Variants in CGNL1 observed in about 807,000 individuals in gnomAD.
CGNL1 encodes cingulin like 1.
A neutral mutation model predicts 141.2 loss-of-function variants in CGNL1; 132 were observed. The observed-to-expected ratio is 0.93, with a 90% CI of 0.81 to 1.08. CGNL1 has a LOEUF of 1.08. Among genes scored for constraint, CGNL1 ranks in the 50% least tolerant of loss-of-function variants. The pLI is 0.00. For missense variants in CGNL1, 1,870 were observed against 1,588.6 expected (o/e 1.18, Z -3.01); for synonymous variants, 690 against 622.1 (o/e 1.11, Z -1.63).
intron 14 of CGNL1, among the ~76,000 whole-genome samples, chr15:57,539,237 G>A (rs1049647245): frequency 5.9e-5 from 9 of 151,666 alleles, no homozygotes; most frequent in African/African-American, 1.2e-4. Flanking sequence ...TTCACTTTTC[G>A]GAAAATAATC....
At chr15:57,539,921 C>A (rs72741522) in intron 14 of CGNL1, among the ~76,000 whole-genome samples, 1 of 152,128 alleles carries the variant, frequency 6.6e-6, no homozygotes, top group East Asian at 1.9e-4. Context: ...ACACTGCCTA[C>A]CTCATTGGTG....
intron 1 of CGNL1, among the ~76,000 whole-genome samples, chr15:57,419,037 C>T (rs1340644637): frequency 6.6e-6 from 1 of 152,032 alleles, no homozygotes; most frequent in Non-Finnish European, 1.5e-5. Context: ...AAGCAATTCT[C>T]CTTCCTGCCT....
intron 10 of CGNL1, among the ~76,000 whole-genome samples, chr15:57,522,606 A>C (rs144579711): frequency 6.6e-6 from 1 of 152,310 alleles, no homozygotes; most frequent in Non-Finnish European, 1.5e-5. Flanking sequence ...TCTTCTTATT[A>C]TCCTTGTACC....
intron 8 of CGNL1, among the ~76,000 whole-genome samples, chr15:57,511,934 T>C (rs144062681): frequency 3.7e-4 from 56 of 152,368 alleles, no homozygotes; most frequent in Non-Finnish European, 7.2e-4. Context: ...GTTTTATTTA[T>C]GATGGTGCTT....
At chr15:57,391,435 T>G (rs1422312352) in intron 1 of CGNL1, among the ~76,000 whole-genome samples, 1 of 152,140 alleles carries the variant, frequency 6.6e-6, no homozygotes, top group Non-Finnish European at 1.5e-5. Context: ...CTTGTGAAAA[T>G]GAACCAGGAA....
intron 8 of CGNL1, among the ~76,000 whole-genome samples, chr15:57,481,663 AAT>A (rs1437258232): frequency 3.9e-5 from 6 of 152,152 alleles, no homozygotes; most frequent in Non-Finnish European, 7.3e-5. Context: ...TTTTTGTGTG[AAT>A]ATGTTTTAAT....
At chr15:57,458,615 G>T (rs2063408252) in intron 7 of CGNL1, among the ~76,000 whole-genome samples, 1 of 152,162 alleles carries the variant, frequency 6.6e-6, no homozygotes, top group Non-Finnish European at 1.5e-5. Flanking sequence ...ACGTGTGAGA[G>T]TAAAAGCAGG....
At chr15:57,470,256 C>CTTTTTTTTTTTTTTT (rs60982599) in intron 8 of CGNL1, among the ~76,000 whole-genome samples, 1 of 113,996 alleles carries the variant, frequency 8.8e-6, no homozygotes, top group Admixed American at 1.0e-4. Flanking sequence ...TTTTGTCTCT[C>CTTTTTTTTTTTTTTT]TTTTTTTTTT....
intron 8 of CGNL1, among the ~76,000 whole-genome samples, chr15:57,486,905 T>C (rs375853666): frequency 1.4e-4 from 21 of 152,294 alleles, no homozygotes; most frequent in East Asian, 3.9e-4. Flanking sequence ...TACATTTCCA[T>C]TGGGAGTGGT....
rs768367142 is a variant in CGNL1 at position 57,451,495 on chromosome 15, TA to T, written c.1804-4del. 84 of 1,593,610 alleles carry T rather than the reference TA, an allele frequency of 5.3e-5. 1 individual carries two copies. Among genetic ancestry groups the T allele is most frequent in the Non-Finnish European group, 6.9e-5 (81 of 1,165,844 alleles). ...AAATTAGTATATCTTTGCAATTAAT[TA>T]TAGGCTTGTAATTCCACATCTGAAG... On this transcript the variant is annotated splice_polypyrimidine_tract_variant and splice_region_variant and intron_variant, in intron 4 of 18. Coordinates refer to ENST00000281282, the MANE Select transcript of CGNL1 (RefSeq NM_032866.5).
intron 1 of CGNL1, among the ~76,000 whole-genome samples, chr15:57,402,200 TG>T (rs1211753890): frequency 7.9e-5 from 12 of 152,308 alleles, no homozygotes; most frequent in African/African-American, 2.9e-4. Flanking sequence ...CTCCCCATAG[TG>T]AGTGAGTGAG....
At chr15:57,509,373 C>T (rs982960259) in intron 8 of CGNL1, among the ~76,000 whole-genome samples, 1 of 152,226 alleles carries the variant, frequency 6.6e-6, no homozygotes, top group African/African-American at 2.4e-5. Context: ...CCGGCTGTGG[C>T]AGAGGCCGTG....
intron 8 of CGNL1, among the ~76,000 whole-genome samples, chr15:57,484,611 A>G (rs1327576665): frequency 6.6e-6 from 1 of 152,262 alleles, no homozygotes; most frequent in Middle Eastern, 3.4e-3. Flanking sequence ...GGTTTGTTAC[A>G]TAGGTATACA....
At chr15:57,529,562 ACAC>A (rs1567172511) in intron 13 of CGNL1, among the ~76,000 whole-genome samples, 5 of 10,864 alleles carry the variant, frequency 4.6e-4, no homozygotes, top group African/African-American at 7.8e-4. Flanking sequence ...CCCCAGAAAC[ACAC>A]ACACACACAC....
At position 57,523,585 on chromosome 15, in the gene CGNL1, G is replaced by A. The variant is rs777219860; in HGVS notation, c.2812G>A (p.Glu938Lys). The A allele has an allele frequency of 3.7e-6, 6 of 1,614,064 alleles. No individual in the cohort carries two copies. Among genetic ancestry groups the A allele is most frequent in the East Asian group, 2.2e-5 (1 of 44,900 alleles). ...GGAGCAGCTAAGAAGGTTGAAGAAC[G>A]AGATGGAGAATGAGCGGTGGCACCT... ...QKEQLRRLKN[E>K]MENERWHLGK... is the part of the protein sequence containing the mutation. The change falls in exon 11 of 19, where the codon GAG becomes AAG. Residue 938 changes from glutamate to lysine, a missense_variant. Physicochemically the swap from Glu to Lys is moderately conservative, Grantham distance 56. Coordinates refer to ENST00000281282, the MANE Select transcript of CGNL1 (RefSeq NM_032866.5).
chr15:57,410,492 C>G (rs1433482749), intron 1 of CGNL1, among the ~76,000 whole-genome samples: 1 of 152,102 alleles, frequency 6.6e-6, no homozygotes, highest in African/African-American at 2.4e-5. Flanking sequence ...ATGTCGCTGG[C>G]TATGTCAGCA....
intron 10 of CGNL1, among the ~76,000 whole-genome samples, chr15:57,521,841 G>A (rs1016413042): frequency 6.6e-6 from 1 of 152,168 alleles, no homozygotes; most frequent in Non-Finnish European, 1.5e-5. Flanking sequence ...GAGGAGAAAG[G>A]CTGGGGGATT....
In CGNL1 at chr15:57,440,402, A is replaced by G; in HGVS notation, c.1628A>G (p.Gln543Arg). Residue 543 changes from glutamine to arginine, a missense_variant, in exon 3 of 19, where the codon CAG becomes CGG. Physicochemically the swap from Gln to Arg is conservative, Grantham distance 43. Transcript: ENST00000281282. Reference sequence around the variant, plus strand: ...GCCACACCGGATCTCTTAAAGGGCCAGCAAGAGCTCACTCAGCAAACCAAT... The same window carrying G: ...GCCACACCGGATCTCTTAAAGGGCCGGCAAGAGCTCACTCAGCAAACCAAT... ...TQATPDLLKG[Q>R]QELTQQTNEE... The G allele has an allele frequency of 6.2e-7, 1 of 1,602,770 alleles. No individual in the cohort carries two copies. Among genetic ancestry groups the G allele is most frequent in the Non-Finnish European group, 8.5e-7 (1 of 1,174,056 alleles).
At chr15:57,379,666 G>A (rs1325124585) in intron 1 of CGNL1, among the ~76,000 whole-genome samples, 1 of 152,178 alleles carries the variant, frequency 6.6e-6, no homozygotes, top group East Asian at 1.9e-4. Context: ...TGGCATGGCT[G>A]AGAGGTTGGC....
Sources: allele counts gnomAD v4.1 joint callset (sites outside exome capture counted in the v4.1 genomes callset), GRCh38; gene constraint gnomAD v4.1.1; transcripts MANE v1.5; gene names NCBI Gene and HGNC (gene_info 2026-07-23, HGNC 2026-07-21).